The following POLB variants were observed in gnomAD, a reference collection of about 807,000 sequenced individuals.
POLB encodes the protein DNA polymerase beta, also known as 5'-dRP lyase.
In POLB, 37 loss-of-function variants were observed where a neutral mutation model predicts 52.7. The ratio of observed to expected loss-of-function variants is 0.70; its 90% CI spans 0.54 to 0.92. POLB has a LOEUF of 0.92. Among genes scored for constraint, POLB ranks in the 40% least tolerant of loss-of-function variants. The probability of loss-of-function intolerance (pLI) is 0.00; values close to 1 mark genes in which losing one functional copy is unlikely to be tolerated. For missense variants in POLB, 313 were observed against 400.8 expected, an observed-to-expected ratio of 0.78 and a Z score of 1.87; for synonymous variants, 138 against 131.3, an observed-to-expected ratio of 1.05 and a Z score of -0.35.
chr8:42,371,686 C>A lies in POLB; in HGVS notation c.*29C>A, dbSNP rs1281439544. 8 of 1,237,482 alleles carry A rather than the reference C, an allele frequency of 6.5e-6. No homozygotes were observed. Among genetic ancestry groups the A allele is most frequent in the Non-Finnish European group, 9.6e-6 (8 of 836,956 alleles). 76.7% of individuals were successfully genotyped at this position (1,237,482 alleles called of 1,614,324 possible). A position where few individuals can be genotyped will look rare whatever the true frequency, so the allele number is the denominator to read the frequency against. On this transcript the variant is annotated 3_prime_UTR_variant, in exon 14 of 14. Coordinates refer to ENST00000265421, the MANE Select transcript of POLB (RefSeq NM_002690.3). Reference sequence around the variant, plus strand: ...CTGTATCCTCCCTGGCAGACACAACCCAATAGGAGTCTTAATTTATTTCTT... The same window carrying A: ...CTGTATCCTCCCTGGCAGACACAACACAATAGGAGTCTTAATTTATTTCTT...
intron 11 of POLB, among the ~76,000 whole-genome samples, chr8:42,366,297 A>G (rs186358280): frequency 2.7e-4 from 41 of 152,326 alleles, no homozygotes; most frequent in South Asian, 6.2e-4. Flanking sequence ...CTGTCTTTCA[A>G]TCATACATCT....
At chr8:42,354,615 T>G in intron 6 of POLB, 1 of 458,866 alleles carries the variant, frequency 2.2e-6, no homozygotes. Flanking sequence ...GCAATCTTGG[T>G]TCACTGCAAC....
intron 10 of POLB, among the ~76,000 whole-genome samples, chr8:42,362,368 C>CA (rs772283272): frequency 0.023 from 3,088 of 132,192 alleles, 61 homozygotes; most frequent in East Asian, 0.031. Flanking sequence ...GATTCCCTGC[C>CA]AAAAAAAAAA....
At chr8:42,352,468 C>T in intron 5 of POLB, 51 bp from the exon 6 acceptor site, 1 of 1,175,562 alleles carries the variant, frequency 8.5e-7, no homozygotes, top group Non-Finnish European at 1.3e-6. Flanking sequence ...ATGGTTGTTA[C>T]AAGGATCCCA....
intron 2 of POLB, among the ~76,000 whole-genome samples, chr8:42,344,186 G>A (rs956467243): frequency 1.4e-5 from 2 of 145,874 alleles, no homozygotes; most frequent in Non-Finnish European, 3.0e-5. Flanking sequence ...GTTCACGCCT[G>A]TAATCCTAGC....
chr8:42,338,781 G>T (rs1672191613), intron 1 of POLB, 96 bp downstream of exon 1: 1 of 1,282,558 alleles, frequency 7.8e-7, no homozygotes, highest in Non-Finnish European at 1.1e-6. Flanking sequence ...AGTGGGTAGG[G>T]TAGGTTCCTT....
chr8:42,371,579 C>T lies in POLB; in HGVS notation c.930C>T (p.Pro310=). The change falls in exon 14 of 14, where the codon CCC becomes CCT. Residue 310 remains proline (P), a synonymous_variant. Transcript: ENST00000265421. ...TACTTGCAGGAGTTGCAGGAGAACC[C>T]CTGCCAGTGGATAGTGAAAAAGACA... ...PLGVTGVAGE[P]LPVDSEKDIF... 1.9e-6 allele frequency: 3 copies of T among 1,609,844 alleles called. No homozygotes were observed. The highest frequency in any genetic ancestry group is 2.2e-5 in the East Asian group (1 of 44,828).
Position 42,344,966 on chromosome 8 carries a change from G to A in POLB, c.133G>A (p.Val45Ile). 1 of 1,603,490 alleles carries A rather than the reference G, an allele frequency of 6.2e-7. No individual in the cohort carries two copies. The highest frequency in any genetic ancestry group is 8.5e-7 in the Non-Finnish European group (1 of 1,170,414). Reference protein sequence around the residue: ...KYNAYRKAASVIAKYPHKIKS... With the variant: ...KYNAYRKAASIIAKYPHKIKS... ...CTTTCCTTATAGAAAAGCAGCATCT[G>A]TTATAGCAAAATACCCACACAAAAT... Residue 45 changes from valine (V) to isoleucine (I), a missense_variant, in exon 3 of 14, where the codon GTT becomes ATT. Val to Ile is a conservative substitution (Grantham distance 29). Around this residue, in one of 3 missense-constraint regions of POLB, gnomAD observed 54 missense variants for 63.4 expected, o/e 0.85. Coordinates refer to ENST00000265421, the MANE Select transcript of POLB (RefSeq NM_002690.3).
intron 13 of POLB, among the ~76,000 whole-genome samples, chr8:42,371,030 G>A (rs984391213): frequency 5.9e-5 from 9 of 152,196 alleles, no homozygotes; most frequent in African/African-American, 1.7e-4. Flanking sequence ...GATGACTTGA[G>A]TGGCCCTAGC....
At chr8:42,366,741 T>C (rs983675616) in intron 11 of POLB, among the ~76,000 whole-genome samples, 1 of 152,212 alleles carries the variant, frequency 6.6e-6, no homozygotes, top group African/African-American at 2.4e-5. Context: ...CTGTATGGCA[T>C]TGGGAAGGTG....
At chr8:42,349,366 G>T (rs41548813) in intron 4 of POLB, 3 of 254,164 alleles carry the variant, frequency 1.2e-5, no homozygotes, top group Non-Finnish European at 2.2e-5. Flanking sequence ...CTGAAAGATC[G>T]TTATCTTTTA....
At chr8:42,350,927 G>T (rs1245380875) in intron 5 of POLB, among the ~76,000 whole-genome samples, 3 of 151,528 alleles carry the variant, frequency 2.0e-5, no homozygotes, top group African/African-American at 7.3e-5. Flanking sequence ...CTAGAGTGCA[G>T]TGGTGCTATT....
At chr8:42,361,560 G>T in intron 10 of POLB, 195 bp downstream of exon 10, 1 of 571,370 alleles carries the variant, frequency 1.8e-6, no homozygotes, top group Non-Finnish European at 3.1e-6. Context: ...ATGAGTTGCT[G>T]GGAGGACAGT....
At chr8:42,345,681 G>A (rs1159775081) in intron 3 of POLB, among the ~76,000 whole-genome samples, 2 of 151,992 alleles carry the variant, frequency 1.3e-5, no homozygotes, top group African/African-American at 4.8e-5. Flanking sequence ...GCTCCAATGA[G>A]CATTTCCTTT....
At chr8:42,367,985 A>C (rs1824147232) in intron 11 of POLB, among the ~76,000 whole-genome samples, 1 of 152,212 alleles carries the variant, frequency 6.6e-6, no homozygotes. Context: ...TATTTCCGAC[A>C]CTCAGTATGA....
chr8:42,346,397 T>G (rs77332545), intron 3 of POLB, among the ~76,000 whole-genome samples: 1 of 151,574 alleles, frequency 6.6e-6, no homozygotes. Context: ...TTTTTTTTTT[T>G]GAGACAGGAT....
intron 3 of POLB, among the ~76,000 whole-genome samples, chr8:42,346,597 T>G (rs531134063): frequency 3.9e-5 from 6 of 152,196 alleles, no homozygotes; most frequent in Admixed American, 1.3e-4. Flanking sequence ...TCTTGTTATG[T>G]TGCCCAGGCT....
In POLB at chr8:42,352,522, A is replaced by G; in HGVS notation, c.324A>G (p.Pro108=). The change falls in exon 6 of 14, where the codon CCA becomes CCG. Residue 108 remains proline, a synonymous_variant. Coordinates refer to ENST00000265421, the MANE Select transcript of POLB (RefSeq NM_002690.3). ...GATAATGCTTTTGTTTTTGTAGTCCATCTGCTGCAAGGAAGTTTGTAGATG... is the reference window on the plus strand; with the variant it reads ...GATAATGCTTTTGTTTTTGTAGTCCGTCTGCTGCAAGGAAGTTTGTAGATG... The part of the protein sequence containing the change: ...NFLTRVSGIG[P]SAARKFVDEG... 6.3e-7 allele frequency: 1 copy of G among 1,598,854 alleles called. No individual in the cohort carries two copies. The highest frequency in any genetic ancestry group is 1.1e-5 in the South Asian group (1 of 90,746).
rs527778706 is a variant in POLB, at chr8:42,352,432, A to G, written c.321-87A>G. The G allele has an allele frequency of 2.9e-5, 25 of 848,628 alleles. No homozygotes were observed. The South Asian group carries it at 3.4e-4, about 11-fold the overall frequency. 52.6% of individuals were successfully genotyped at this position (848,628 alleles called of 1,614,324 possible). On this transcript the variant is annotated intron_variant, in intron 5 of 13. Transcript: ENST00000265421. Reference sequence around the variant, plus strand: ...ATTTTAGCAGGTCTTGTTTAGCTTAATAGCAGCTCTTCTTACTATTAAGAC... The same window carrying G: ...ATTTTAGCAGGTCTTGTTTAGCTTAGTAGCAGCTCTTCTTACTATTAAGAC...
Sources: gnomAD v4.1 joint callset for allele counts (sites outside exome capture counted in the v4.1 genomes callset) on GRCh38, gnomAD v4.1.1 for gene constraint, gnomAD v4.1.1 regional missense constraint, MANE v1.5 for transcripts, NCBI Gene and HGNC (gene_info 2026-07-23, HGNC 2026-07-21) for gene names.